Variants in ANK3 observed in about 807,000 individuals in gnomAD.
ANK3 encodes the protein ankyrin 3, also known as ankyrin-3.
ANK3 carries 57 observed loss-of-function variants against 370.9 expected under a neutral mutation model. That is an observed-to-expected ratio of 0.15 (90% confidence interval 0.12 to 0.19). ANK3 has a LOEUF of 0.19. Ranked by LOEUF, ANK3 falls within the 10% of genes least tolerant of loss-of-function variation. The probability of loss-of-function intolerance (pLI) is 1.00; values close to 1 mark genes in which losing one functional copy is unlikely to be tolerated. For synonymous variants in ANK3, 1,929 were observed against 1,946.3 expected (o/e 0.99, Z 0.23); for missense variants, 4,439 against 5,302.1 (o/e 0.84, Z 5.06).
intron 2 of ANK3, among the ~76,000 whole-genome samples, chr10:60,534,060 C>A (rs1223291449): frequency 2.0e-5 from 3 of 152,010 alleles, no homozygotes; most frequent in African/African-American, 4.8e-5. Context: ...TCAGAAGGCC[C>A]ATATTAGAAT....
intron 36 of ANK3, among the ~76,000 whole-genome samples, chr10:60,078,044 CAACGGCTAAT>C (rs1416672456): frequency 6.6e-6 from 1 of 152,204 alleles, no homozygotes; most frequent in Non-Finnish European, 1.5e-5. Context: ...CAAGGCCTGC[CAACGGCTAAT>C]GTTCTACATC....
intron 28 of ANK3, among the ~76,000 whole-genome samples, chr10:60,104,513 T>C (rs1166791433): frequency 6.6e-6 from 1 of 152,100 alleles, no homozygotes; most frequent in African/African-American, 2.4e-5. Flanking sequence ...AACTTCAGTT[T>C]CCTTATAAGT....
chr10:60,392,585 G>C (rs748392825), upstream of ANK3, among the ~76,000 whole-genome samples: 39 of 152,162 alleles, frequency 2.6e-4, no homozygotes, highest in Non-Finnish European at 4.6e-4. Context: ...GTTTACATAG[G>C]ATTTACATAG....
intron 1 of ANK3, among the ~76,000 whole-genome samples, chr10:60,663,502 G>A (rs1373968849): frequency 7.5e-6 from 1 of 132,512 alleles, no homozygotes; most frequent in Non-Finnish European, 1.7e-5. Context: ...CGAAGGGAAA[G>A]CAGAGGTAGT....
chr10:60,180,806 AT>A (rs142286927), intron 18 of ANK3, among the ~76,000 whole-genome samples: 1 of 150,926 alleles, frequency 6.6e-6, no homozygotes, highest in Non-Finnish European at 1.5e-5. Context: ...TTAATTAGCA[AT>A]TTTTTTTTCT....
At chr10:60,578,231 A>T (rs1023762074) in intron 2 of ANK3, among the ~76,000 whole-genome samples, 3 of 152,202 alleles carry the variant, frequency 2.0e-5, no homozygotes, top group African/African-American at 7.2e-5. Flanking sequence ...AAATAGGGAG[A>T]CACAGAATGT....
intron 16 of ANK3, among the ~76,000 whole-genome samples, chr10:60,192,069 T>A (rs967318739): frequency 6.6e-5 from 10 of 152,006 alleles, no homozygotes; most frequent in African/African-American, 2.2e-4. Flanking sequence ...AATTTTTGTA[T>A]TTTTAGTAGA....
Position 60,246,255 on chromosome 10 carries a change from C to CAAAAAAAAAA in ANK3, c.799-11479_799-11470dup, listed in dbSNP as rs869144298. Among the ~76,000 whole-genome samples, 32 of 92,670 alleles carry CAAAAAAAAAA rather than the reference C, an allele frequency of 3.5e-4. 1 individual carries two copies. Among genetic ancestry groups the CAAAAAAAAAA allele is most frequent in the African/African-American group, 1.1e-3 (24 of 21,264 alleles). 60.8% of individuals were successfully genotyped at this position (92,670 alleles called of 152,430 possible). On this transcript the variant is annotated intron_variant, in intron 7 of 43. Coordinates refer to ENST00000280772, the MANE Select transcript of ANK3 (RefSeq NM_020987.5). ...TGGGCAACAGAGAGAAACCCTGTAT[C>CAAAAAAAAAA]AAAAAAAAAAAAAAAAAAAAAAAAA... is the stretch of plus-strand genomic sequence containing the variant.
Position 60,076,389 on chromosome 10 carries a change from A to C in ANK3, c.4492T>G (p.Phe1498Val), listed in dbSNP as rs2083812708. Residue 1498 changes from phenylalanine to valine, a missense_variant, in exon 37 of 44, where the codon TTT (phenylalanine) becomes GTT (valine). This residue lies in a region of ANK3 where 679 missense variants were observed against 791.0 expected (regional missense o/e 0.86). Coordinates refer to ENST00000280772, the MANE Select transcript of ANK3 (RefSeq NM_020987.5). ...CAGGACTGGTATGGTCTTGTAGAAAAGAATGGCTTGTATGAGTAAGTGGTG... is the reference window on the plus strand; with the variant it reads ...CAGGACTGGTATGGTCTTGTAGAAACGAATGGCTTGTATGAGTAAGTGGTG... ...LPTTYSYKPF[F>V]STRPYQSWTT... 1.2e-6 allele frequency: 2 copies of C among 1,613,996 alleles called. No homozygotes were observed. The highest frequency in any genetic ancestry group is 1.7e-6 in the Non-Finnish European group (2 of 1,179,952).
intron 2 of ANK3, among the ~76,000 whole-genome samples, chr10:60,555,860 G>A (rs1458008303): frequency 6.6e-6 from 1 of 152,224 alleles, no homozygotes; most frequent in African/African-American, 2.4e-5. Context: ...TGACTCATGA[G>A]CAAATACGTT....
intron 2 of ANK3, among the ~76,000 whole-genome samples, chr10:60,425,890 A>C (rs960763603): frequency 6.6e-6 from 1 of 152,082 alleles, no homozygotes; most frequent in Non-Finnish European, 1.5e-5. Context: ...AGTCTTTGCC[A>C]ATTACCACGG....
chr10:60,637,118 TA>T (rs1408971382), intron 1 of ANK3, among the ~76,000 whole-genome samples: 1 of 152,232 alleles, frequency 6.6e-6, no homozygotes, highest in African/African-American at 2.4e-5. Flanking sequence ...TTCATCTTTC[TA>T]ATATTTTTTC....
At position 60,606,863 on chromosome 10, in the gene ANK3, A is replaced by C. The variant is rs80284429; in HGVS notation, c.96+8323T>G. Among the ~76,000 whole-genome samples the C allele has an allele frequency of 9.1e-3, 1,379 of 152,296 alleles. 11 individuals carry two copies. The highest frequency in any genetic ancestry group is 0.013 in the Non-Finnish European group (911 of 68,014). On this transcript the variant is annotated intron_variant, in intron 2 of 43. Coordinates refer to the ANK3 transcript ENST00000373827. ...TGATAAATGTTGTGTTGAAATCATC[A>C]ACAGCTAAGTCTACTAGCAAAATGT...
chr10:60,209,335 G>A (rs927592287), intron 9 of ANK3, among the ~76,000 whole-genome samples: 5 of 152,178 alleles, frequency 3.3e-5, no homozygotes, highest in Non-Finnish European at 5.9e-5. Flanking sequence ...AATCCTCTGA[G>A]CCAAGTTATT....
chr10:60,072,697 T>C lies in ANK3; in HGVS notation c.8184A>G (p.Ala2728=). Residue 2728 remains alanine, a synonymous_variant, in exon 37 of 44, where the codon GCA becomes GCG. Transcript: ENST00000280772. ...IRLKFEQGTH[A]KSKDMSQEDR... ...CTTCTTGAGACATGTCCTTACTTTT[T>C]GCGTGTGTGCCTTGTTCAAATTTTA... 6.2e-7 allele frequency: 1 copy of C among 1,614,040 alleles called. No homozygotes were observed. Among genetic ancestry groups the C allele is most frequent in the Non-Finnish European group, 8.5e-7 (1 of 1,179,978 alleles).
chr10:60,708,395 T>C (rs1419381815), intron 1 of ANK3, among the ~76,000 whole-genome samples: 1 of 152,086 alleles, frequency 6.6e-6, no homozygotes, highest in Non-Finnish European at 1.5e-5. Flanking sequence ...GAAGAAATGG[T>C]CAAAACAGAA....
At chr10:60,508,944 G>T (rs987393549) in intron 2 of ANK3, among the ~76,000 whole-genome samples, 2 of 152,184 alleles carry the variant, frequency 1.3e-5, no homozygotes, top group African/African-American at 4.8e-5. Context: ...AATCGCTTAA[G>T]ATCTTGAGGA....
chr10:60,664,246 T>C (rs144496878), intron 1 of ANK3, among the ~76,000 whole-genome samples: 38 of 152,344 alleles, frequency 2.5e-4, no homozygotes, highest in African/African-American at 8.7e-4. Context: ...ACTAATACTG[T>C]CAAGTTAGGG....
At chr10:60,496,717 A>G (rs1303926666) in intron 2 of ANK3, among the ~76,000 whole-genome samples, 10 of 142,052 alleles carry the variant, frequency 7.0e-5, no homozygotes, top group Non-Finnish European at 1.5e-4. Flanking sequence ...TATTCTCTGC[A>G]TAACTTTTTG....
Sources: allele counts gnomAD v4.1 joint callset (sites outside exome capture counted in the v4.1 genomes callset), GRCh38; gene constraint gnomAD v4.1.1; regional missense constraint gnomAD v4.1.1; transcripts MANE v1.5; gene names NCBI Gene and HGNC (gene_info 2026-07-23, HGNC 2026-07-21).